Variants in MEGF11 observed in about 807,000 individuals in gnomAD.
The protein encoded by MEGF11 is multiple epidermal growth factor-like domains protein 11.
Under a neutral mutation model 146.6 loss-of-function variants are expected in MEGF11, and 126 were observed. The observed-to-expected ratio is 0.86, with a 90% CI of 0.74 to 1.00. The LOEUF is 1.00. MEGF11 is among the 50% of genes least tolerant of loss of function. MEGF11 has a pLI of 0.00. For synonymous variants in MEGF11, 532 were observed against 583.4 expected (o/e 0.91, Z 1.27); for missense variants, 1,509 against 1,521.2 (o/e 0.99, Z 0.13).
At chr15:65,955,829 T>TATATATATATATATATATATATATATAA (rs1238611580) in intron 10 of MEGF11, among the ~76,000 whole-genome samples, 1 of 103,150 alleles carries the variant, frequency 9.7e-6, no homozygotes, top group African/African-American at 3.6e-5. Context: ...TTTAAATATA[T>TATATATATATATATATATATATATATAA]AACATGTAAT....
At chr15:66,122,945 G>A (rs904444995) in intron 3 of MEGF11, among the ~76,000 whole-genome samples, 19 of 151,932 alleles carry the variant, frequency 1.3e-4, no homozygotes, top group African/African-American at 2.4e-4. Context: ...CACCACGCCC[G>A]GCTAATTTTT....
intron 5 of MEGF11, among the ~76,000 whole-genome samples, chr15:65,998,105 G>T (rs2082255213): frequency 6.6e-6 from 1 of 152,152 alleles, no homozygotes; most frequent in Non-Finnish European, 1.5e-5. Flanking sequence ...ACAGCAGGGA[G>T]CTGGGATTTT....
At chr15:65,945,792 C>T (rs933443776) in intron 10 of MEGF11, among the ~76,000 whole-genome samples, 5 of 152,136 alleles carry the variant, frequency 3.3e-5, no homozygotes, top group Non-Finnish European at 5.9e-5. Context: ...GGCTCCATCA[C>T]CCCCAAGGCC....
intron 1 of MEGF11, among the ~76,000 whole-genome samples, chr15:66,131,257 G>A (rs1223663501): frequency 6.6e-6 from 1 of 152,262 alleles, no homozygotes; most frequent in Non-Finnish European, 1.5e-5. Flanking sequence ...GGTGTTGTCA[G>A]CCCACATGGC....
At chr15:66,184,345 C>A (rs1292578143) in intron 1 of MEGF11, among the ~76,000 whole-genome samples, 1 of 152,114 alleles carries the variant, frequency 6.6e-6, no homozygotes, top group East Asian at 1.9e-4. Flanking sequence ...TTTCAGCTAG[C>A]CTGTGGTCTC....
At chr15:66,193,667 T>G (rs1166403951) in intron 1 of MEGF11, among the ~76,000 whole-genome samples, 3 of 152,088 alleles carry the variant, frequency 2.0e-5, no homozygotes, top group Non-Finnish European at 4.4e-5. Flanking sequence ...CAGGTTCAAT[T>G]ACAGAACTTG....
chr15:66,117,700 C>G (rs28567943), intron 4 of MEGF11, among the ~76,000 whole-genome samples: 3,404 of 152,192 alleles, frequency 0.022, 130 homozygotes, highest in African/African-American at 0.077. Context: ...TCCATACAGA[C>G]AGAGCAGCAG....
chr15:65,921,208 A>G (rs1275499334), intron 15 of MEGF11, among the ~76,000 whole-genome samples: 8 of 152,238 alleles, frequency 5.3e-5, no homozygotes, highest in Non-Finnish European at 1.2e-4. Flanking sequence ...CTCAGTCAAC[A>G]GAAGTATTTA....
rs2079551866 is a variant in MEGF11 at position 65,930,859 on chromosome 15, A to G, written c.1372T>C (p.Cys458Arg). 1 of 1,611,540 alleles carries G rather than the reference A, an allele frequency of 6.2e-7. No individual in the cohort carries two copies. Among genetic ancestry groups the G allele is most frequent in the Non-Finnish European group, 8.5e-7 (1 of 1,178,742 alleles). ...SICSCNNGGTCSPVDGSCTCK... is the reference protein window; with the variant it reads ...SICSCNNGGTRSPVDGSCTCK... ...GTACAGGAGCCATCTACTGGGGAGC[A>G]GGTGCCACCATTGTTACAGCTACAG... Residue 458 changes from cysteine to arginine, a missense_variant, in exon 11 of 26, where the codon TGC becomes CGC. By Grantham distance (180) the Cys-to-Arg change is radical. Transcript: ENST00000395614.
At chr15:65,923,747 C>G (rs1346706473) in intron 13 of MEGF11, among the ~76,000 whole-genome samples, 1 of 152,144 alleles carries the variant, frequency 6.6e-6, no homozygotes, top group Non-Finnish European at 1.5e-5. Context: ...GATGGAATTT[C>G]TCAATAAGAA....
intron 8 of MEGF11, among the ~76,000 whole-genome samples, chr15:65,966,212 T>C (rs1466539515): frequency 6.6e-6 from 1 of 152,202 alleles, no homozygotes; most frequent in African/African-American, 2.4e-5. Context: ...TCCAGGATGG[T>C]CTCAATCTCT....
chr15:65,928,646 T>C, intron 12 of MEGF11, 119 bp from the exon 13 acceptor site: 1 of 579,964 alleles, frequency 1.7e-6, no homozygotes, highest in Non-Finnish European at 2.9e-6. Context: ...CTACTGGATC[T>C]TGATGACAAA....
At position 65,910,482 on chromosome 15, in the gene MEGF11, C is replaced by G. The variant is rs1026315827; in HGVS notation, c.2830-676G>C. 2.0e-5 allele frequency among the ~76,000 whole-genome samples: 3 copies of G among 152,118 alleles called. No homozygotes were observed. In the South Asian group the frequency reaches 6.2e-4, roughly 32 times the overall value. On this transcript the variant is annotated intron_variant, in intron 21 of 25. Coordinates refer to ENST00000395614, the MANE Select transcript of MEGF11 (RefSeq NM_001385028.1). ...TCAGTTCCCAGTGCCGTGTCCTTTCCATGTCATCACAGCTGCCTGCCTCTG... is the reference window on the plus strand; with the variant it reads ...TCAGTTCCCAGTGCCGTGTCCTTTCGATGTCATCACAGCTGCCTGCCTCTG...
At chr15:66,068,456 C>A (rs2085230536) in intron 5 of MEGF11, among the ~76,000 whole-genome samples, 1 of 152,152 alleles carries the variant, frequency 6.6e-6, no homozygotes, top group Non-Finnish European at 1.5e-5. Context: ...CCAGACATTG[C>A]CAAATGTCCC....
chr15:65,916,361 C>CT (rs1320166858), intron 17 of MEGF11, 85 bp from the exon 18 acceptor site: 7 of 1,459,820 alleles, frequency 4.8e-6, no homozygotes, highest in East Asian at 5.0e-5. Context: ...TCTTCTGTCT[C>CT]TTTTTTTGCT....
At chr15:66,124,062 G>T (rs756897247) in intron 2 of MEGF11, 62 bp from the exon 3 acceptor site, 33 of 1,365,186 alleles carry the variant, frequency 2.4e-5, no homozygotes, top group East Asian at 6.9e-5. Flanking sequence ...CTGATATTCC[G>T]CAGGGCATCT....
chr15:65,965,144 G>A (rs1465286899), intron 8 of MEGF11, 24 bp from the exon 9 acceptor site: 1 of 1,541,982 alleles, frequency 6.5e-7, no homozygotes, highest in Admixed American at 1.8e-5. Flanking sequence ...GAGTGGGGCT[G>A]AGGCTGTGGG....
intron 5 of MEGF11, among the ~76,000 whole-genome samples, chr15:66,040,831 G>T (rs1007803359): frequency 6.6e-6 from 1 of 152,008 alleles, no homozygotes. Context: ...ACTGCTCAAG[G>T]TACCTGGCCA....
intron 5 of MEGF11, among the ~76,000 whole-genome samples, chr15:66,038,680 C>T (rs1441055387): frequency 6.6e-6 from 1 of 152,154 alleles, no homozygotes; most frequent in Non-Finnish European, 1.5e-5. Flanking sequence ...ACTAGCAGCC[C>T]AAGGTCACAC....
Sources: gnomAD v4.1 joint callset for allele counts (sites outside exome capture counted in the v4.1 genomes callset) on GRCh38, gnomAD v4.1.1 for gene constraint, MANE v1.5 for transcripts, NCBI Gene and HGNC (gene_info 2026-07-23, HGNC 2026-07-21) for gene names.